LEF1: variants seen among roughly 807,000 people sequenced by gnomAD.
LEF1 encodes the protein lymphoid enhancer-binding factor 1.
A neutral mutation model predicts 51.2 loss-of-function variants in LEF1; 14 were observed. That is an observed-to-expected ratio of 0.27 (90% CI 0.18 to 0.43). The LOEUF is 0.43. Ranked by LOEUF, LEF1 falls within the 20% of genes least tolerant of loss-of-function variation. The pLI is 1.00. For missense variants in LEF1, 386 were observed against 512.0 expected, an observed-to-expected ratio of 0.75 and a Z score of 2.37; for synonymous variants, 185 against 183.2, an observed-to-expected ratio of 1.01 and a Z score of -0.08.
chr4:108,053,118 C>T (rs781120122), intron 11 of LEF1, among the ~76,000 whole-genome samples: 31 of 152,180 alleles, frequency 2.0e-4, no homozygotes, highest in Non-Finnish European at 4.4e-4. Flanking sequence ...GGCAACAACC[C>T]CTGTATCCTG....
At chr4:108,145,429 T>C (rs1022383968) in intron 3 of LEF1, among the ~76,000 whole-genome samples, 1 of 152,214 alleles carries the variant, frequency 6.6e-6, no homozygotes, top group African/African-American at 2.4e-5. Context: ...ATCAGATAAT[T>C]ATATAGTTCA....
intron 3 of LEF1, chr4:108,104,683 T>C: frequency 1.0e-6 from 1 of 984,514 alleles, no homozygotes; most frequent in Non-Finnish European, 1.2e-6. Flanking sequence ...GACATACCTA[T>C]GAATGCTCTT....
intron 3 of LEF1, among the ~76,000 whole-genome samples, chr4:108,121,030 A>G (rs750485533): frequency 1.3e-5 from 2 of 152,216 alleles, no homozygotes; most frequent in Non-Finnish European, 2.9e-5. Flanking sequence ...TGTTTTCGAG[A>G]CAACCATGGC....
intron 6 of LEF1, 43 bp from the exon 7 acceptor site, chr4:108,079,657 T>C: frequency 6.2e-7 from 1 of 1,611,430 alleles, no homozygotes; most frequent in South Asian, 1.1e-5. Context: ...TACTGGCTGT[T>C]GCAGCAAAAG....
At chr4:108,096,611 CT>C (rs1740413349) in intron 3 of LEF1, among the ~76,000 whole-genome samples, 1 of 152,062 alleles carries the variant, frequency 6.6e-6, no homozygotes, top group Admixed American at 6.6e-5. Context: ...AGTTAAAAAG[CT>C]TCTGGAGAGC....
intron 3 of LEF1, among the ~76,000 whole-genome samples, chr4:108,120,624 T>C (rs1742113469): frequency 6.6e-6 from 1 of 152,188 alleles, no homozygotes; most frequent in African/African-American, 2.4e-5. Context: ...CATTAATCTA[T>C]CAAAGTCCTA....
chr4:108,150,986 T>C (rs1035805166), intron 3 of LEF1, among the ~76,000 whole-genome samples: 1 of 152,218 alleles, frequency 6.6e-6, no homozygotes, highest in Non-Finnish European at 1.5e-5. Context: ...TTGTGAGGCA[T>C]TGTTGACTTA....
At chr4:108,092,456 A>G (rs1415893628) in intron 3 of LEF1, among the ~76,000 whole-genome samples, 1 of 152,202 alleles carries the variant, frequency 6.6e-6, no homozygotes, top group Non-Finnish European at 1.5e-5. Flanking sequence ...TATGTGGCAC[A>G]TCATCATCAC....
At chr4:108,112,087 C>CA (rs1231111770) in intron 3 of LEF1, among the ~76,000 whole-genome samples, 1 of 151,990 alleles carries the variant, frequency 6.6e-6, no homozygotes, top group Non-Finnish European at 1.5e-5. Flanking sequence ...TGGAAACAGG[C>CA]AAAAAACAGT....
chr4:108,089,389 A>G, intron 3 of LEF1, 132 bp from the exon 4 acceptor site: 2 of 876,754 alleles, frequency 2.3e-6, no homozygotes, highest in Non-Finnish European at 3.4e-6. Flanking sequence ...AGACCTGGAC[A>G]GGTGGAAATG....
At chr4:108,048,854 A>T in intron 11 of LEF1, 103 bp from the exon 12 acceptor site, 1 of 709,276 alleles carries the variant, frequency 1.4e-6, no homozygotes, top group Non-Finnish European at 2.1e-6. Flanking sequence ...CTCTGCATTT[A>T]ATTAATCCAT....
intron 3 of LEF1, among the ~76,000 whole-genome samples, chr4:108,112,193 C>T (rs1472895265): frequency 6.6e-6 from 1 of 152,174 alleles, no homozygotes; most frequent in Non-Finnish European, 1.5e-5. Context: ...AAGCTTCCAT[C>T]TCTGGAACCC....
Position 108,083,464 on chromosome 4 carries a change from G to A in LEF1, c.548-18C>T, listed in dbSNP as rs760950298. The A allele has an allele frequency of 6.6e-7, 1 of 1,516,162 alleles. No individual in the cohort carries two copies. The highest frequency in any genetic ancestry group is 1.4e-5 in the African/African-American group (1 of 72,616). 93.9% of individuals were successfully genotyped at this position (1,516,162 alleles called of 1,614,324 possible). A position where few individuals can be genotyped will look rare whatever the true frequency, so the allele number is the denominator to read the frequency against. On this transcript the variant is annotated intron_variant, in intron 4 of 11. Coordinates refer to ENST00000265165, the MANE Select transcript of LEF1 (RefSeq NM_016269.5). ...GGACATGCCTGTTAAACAGAACAGA[G>A]AGGTATCATTTACAGATTCACAGGA... is the stretch of plus-strand genomic sequence containing the variant.
intron 3 of LEF1, among the ~76,000 whole-genome samples, chr4:108,110,988 T>C (rs940863841): frequency 4.6e-5 from 7 of 152,292 alleles, no homozygotes; most frequent in South Asian, 2.1e-4. Flanking sequence ...GGTAAACTAG[T>C]ATATAGAAAG....
At chr4:108,073,128 A>G (rs576525068) in intron 8 of LEF1, among the ~76,000 whole-genome samples, 1 of 152,172 alleles carries the variant, frequency 6.6e-6, no homozygotes, top group African/African-American at 2.4e-5. Flanking sequence ...GCTCATGCCT[A>G]TAATCCCAGC....
At chr4:108,143,529 A>T (rs979924826) in intron 3 of LEF1, among the ~76,000 whole-genome samples, 5 of 152,196 alleles carry the variant, frequency 3.3e-5, no homozygotes, top group Non-Finnish European at 7.3e-5. Flanking sequence ...TCAGGCAAAA[A>T]AACATTTCTT....
intron 3 of LEF1, among the ~76,000 whole-genome samples, chr4:108,129,950 A>C (rs1323402449): frequency 6.6e-6 from 1 of 152,202 alleles, no homozygotes; most frequent in Non-Finnish European, 1.5e-5. Context: ...CTATTTAGGA[A>C]AGAAACATGG....
At chr4:108,096,131 T>C (rs1473619342) in intron 3 of LEF1, among the ~76,000 whole-genome samples, 1 of 151,988 alleles carries the variant, frequency 6.6e-6, no homozygotes, top group Non-Finnish European at 1.5e-5. Flanking sequence ...TATTTAGTGG[T>C]AAAATAGTAC....
chr4:108,054,764 A>G (rs889427583), intron 11 of LEF1, among the ~76,000 whole-genome samples: 1 of 152,248 alleles, frequency 6.6e-6, no homozygotes, highest in Non-Finnish European at 1.5e-5. Flanking sequence ...AACTAATCCC[A>G]ATACAAAAAA....
Sources: allele counts gnomAD v4.1 joint callset (sites outside exome capture counted in the v4.1 genomes callset), GRCh38; gene constraint gnomAD v4.1.1; transcripts MANE v1.5; gene names NCBI Gene and HGNC (gene_info 2026-07-23, HGNC 2026-07-21).